Variants in LINGO2 observed in about 807,000 individuals in gnomAD.
The protein encoded by LINGO2 is leucine rich repeat and Ig domain containing 2, also known as leucine-rich repeat and immunoglobulin-like domain-containing nogo receptor-interacting protein 2.
Under a neutral mutation model 30.6 loss-of-function variants are expected in LINGO2, and 14 were observed. That is an observed-to-expected ratio of 0.46 (90% CI 0.30 to 0.72). The LOEUF is 0.72. Among genes scored for constraint, LINGO2 ranks in the 30% least tolerant of loss-of-function variants. LINGO2 has a pLI of 0.07. For synonymous variants in LINGO2, 317 were observed against 288.5 expected, an observed-to-expected ratio of 1.10 and a Z score of -1.00; for missense variants, 729 against 751.7, an observed-to-expected ratio of 0.97 and a Z score of 0.35.
intron 4 of LINGO2, among the ~76,000 whole-genome samples, chr9:28,294,947 C>A (rs574087381): frequency 1.3e-5 from 2 of 152,132 alleles, no homozygotes; most frequent in African/African-American, 4.8e-5. Flanking sequence ...AAGAGGAAAT[C>A]TTTATAGTAT....
the LINGO2 span, among the ~76,000 whole-genome samples, chr9:29,048,626 T>C: frequency 1.3e-5 from 2 of 151,946 alleles, no homozygotes; most frequent in African/African-American, 4.8e-5. Context: ...AACAGAGACA[T>C]AGGCAAATGG....
intron 1 of LINGO2, among the ~76,000 whole-genome samples, chr9:28,522,669 G>C (rs1013473553): frequency 4.6e-5 from 7 of 152,100 alleles, no homozygotes; most frequent in African/African-American, 1.7e-4. Flanking sequence ...AATATGATAA[G>C]AATAAGTAAT....
chr9:28,652,212 G>T (rs1454018559), intron 1 of LINGO2, among the ~76,000 whole-genome samples: 1 of 151,976 alleles, frequency 6.6e-6, no homozygotes, highest in African/African-American at 2.4e-5. Context: ...TTAACAATAG[G>T]CTAATTTATT....
chr9:27,978,701 A>G (rs1820720715), intron 5 of LINGO2, among the ~76,000 whole-genome samples: 1 of 151,998 alleles, frequency 6.6e-6, no homozygotes, highest in Admixed American at 6.6e-5. Flanking sequence ...ACCTGAACAG[A>G]CTAAGACAGG....
At chr9:28,572,297 A>G (rs1823733804) in intron 1 of LINGO2, among the ~76,000 whole-genome samples, 1 of 152,058 alleles carries the variant, frequency 6.6e-6, no homozygotes, top group Non-Finnish European at 1.5e-5. Flanking sequence ...ATTTTATCAA[A>G]TGGAATTGAT....
At chr9:28,069,580 C>T (rs1188831731) in intron 4 of LINGO2, among the ~76,000 whole-genome samples, 1 of 152,134 alleles carries the variant, frequency 6.6e-6, no homozygotes, top group Non-Finnish European at 1.5e-5. Flanking sequence ...TTTTGATATT[C>T]CTTCCGAATG....
chr9:28,759,453 C>T, the LINGO2 span, among the ~76,000 whole-genome samples: 1,450 of 151,974 alleles, frequency 9.5e-3, 15 homozygotes, highest in Middle Eastern at 0.054. Context: ...GAGGACGAGG[C>T]GGGTGGATCA....
chr9:29,009,584 T>C, the LINGO2 span, among the ~76,000 whole-genome samples: 34 of 152,170 alleles, frequency 2.2e-4, no homozygotes, highest in African/African-American at 8.2e-4. Context: ...AGAATCAATA[T>C]CATGAAAATG....
At chr9:28,969,834 G>T in the LINGO2 span, among the ~76,000 whole-genome samples, 1 of 152,156 alleles carries the variant, frequency 6.6e-6, no homozygotes, top group Non-Finnish European at 1.5e-5. Flanking sequence ...GCAGACAGTA[G>T]CTAAAGCAAA....
chr9:28,755,951 A>G, the LINGO2 span, among the ~76,000 whole-genome samples: 1 of 152,062 alleles, frequency 6.6e-6, no homozygotes, highest in African/African-American at 2.4e-5. Context: ...AGGAGTATAA[A>G]AGGCAAATTT....
intron 4 of LINGO2, among the ~76,000 whole-genome samples, chr9:28,131,730 G>T (rs536598466): frequency 1.5e-4 from 23 of 152,076 alleles, no homozygotes; most frequent in Non-Finnish European, 3.1e-4. Context: ...AATAATAAAA[G>T]GTTGCTGACC....
intron 2 of LINGO2, among the ~76,000 whole-genome samples, chr9:28,455,110 T>C (rs1824793643): frequency 6.6e-6 from 1 of 152,036 alleles, no homozygotes; most frequent in African/African-American, 2.4e-5. Context: ...AAATAAAATT[T>C]CCCTTCTGTT....
At chr9:28,620,248 A>G (rs1587971419) in intron 1 of LINGO2, among the ~76,000 whole-genome samples, 2 of 152,200 alleles carry the variant, frequency 1.3e-5, no homozygotes, top group Non-Finnish European at 1.5e-5. Context: ...CGGAAAAGAG[A>G]GGTAAGTAAA....
chr9:28,567,311 G>T (rs746503439), intron 1 of LINGO2, among the ~76,000 whole-genome samples: 1 of 152,012 alleles, frequency 6.6e-6, no homozygotes, highest in African/African-American at 2.4e-5. Flanking sequence ...CAAAGGAAAA[G>T]AAATTGTTTT....
chr9:27,988,826 C>T (rs1031989923), intron 5 of LINGO2, among the ~76,000 whole-genome samples: 13 of 151,906 alleles, frequency 8.6e-5, no homozygotes, highest in African/African-American at 2.9e-4. Context: ...AGCAGGTCAG[C>T]AGCTATCATT....
intron 4 of LINGO2, among the ~76,000 whole-genome samples, chr9:28,261,649 G>A (rs1355667429): frequency 6.6e-6 from 1 of 151,738 alleles, no homozygotes; most frequent in Non-Finnish European, 1.5e-5. Context: ...TAGAGACAGA[G>A]GTGTACATTC....
intron 4 of LINGO2, among the ~76,000 whole-genome samples, chr9:28,229,567 CA>C (rs1821287594): frequency 6.6e-6 from 1 of 151,434 alleles, no homozygotes; most frequent in Admixed American, 6.6e-5. Context: ...ATAGTTAACA[CA>C]AAAAGAATGA....
At chr9:28,788,937 A>G in the LINGO2 span, among the ~76,000 whole-genome samples, 1 of 152,200 alleles carries the variant, frequency 6.6e-6, no homozygotes, top group Admixed American at 6.5e-5. Flanking sequence ...TGCTCGAAAG[A>G]AATGCTTTTT....
At chr9:28,545,946 A>C (rs1270245259) in intron 1 of LINGO2, among the ~76,000 whole-genome samples, 1 of 152,052 alleles carries the variant, frequency 6.6e-6, no homozygotes, top group Non-Finnish European at 1.5e-5. Context: ...TATACCATAC[A>C]GTTTTCTGTA....
Sources: allele counts gnomAD v4.1 joint callset (sites outside exome capture counted in the v4.1 genomes callset), GRCh38; gene constraint gnomAD v4.1.1; transcripts MANE v1.5; gene names NCBI Gene and HGNC (gene_info 2026-07-23, HGNC 2026-07-21).